DBR1: variants seen among roughly 807,000 people sequenced by gnomAD.
The protein encoded by DBR1 is debranching RNA lariats 1.
DBR1 carries 33 observed loss-of-function variants against 45.9 expected under a neutral mutation model. That is an observed-to-expected ratio of 0.72 (90% CI 0.55 to 0.96). DBR1 has a LOEUF of 0.96. Among genes scored for constraint, DBR1 ranks in the 40% least tolerant of loss-of-function variants. DBR1 has a pLI of 0.00. For synonymous variants in DBR1, 235 were observed against 235.9 expected (o/e 1.00, Z 0.04); for missense variants, 619 against 667.4 (o/e 0.93, Z 0.80).
At chr3:138,164,802 A>G (rs2042922953) in intron 5 of DBR1, among the ~76,000 whole-genome samples, 1 of 152,198 alleles carries the variant, frequency 6.6e-6, no homozygotes, top group Non-Finnish European at 1.5e-5. Context: ...ATGTGCTAAC[A>G]TGCCCAGCTA....
At chr3:138,166,276 GA>G (rs2042930129) in intron 5 of DBR1, among the ~76,000 whole-genome samples, 1 of 152,174 alleles carries the variant, frequency 6.6e-6, no homozygotes, top group African/African-American at 2.4e-5. Flanking sequence ...TACTTCCATA[GA>G]AGTTTCATTA....
Position 138,162,296 on chromosome 3 carries a change from C to A in DBR1, c.1228G>T (p.Asp410Tyr). Residue 410 changes from aspartate to tyrosine, a missense_variant, in exon 8 of 8, where the codon GAC becomes TAC. This residue lies in a region of DBR1 where 182 missense variants were observed against 196.1 expected (regional missense o/e 0.93). Coordinates refer to ENST00000260803, the MANE Select transcript of DBR1 (RefSeq NM_016216.4). ...DDVESNDSGE[D>Y]QSEYNTDTSA... is the part of the protein sequence containing the mutation. The stretch of plus-strand genomic sequence containing the variant: ...GTGTCTGTATTATATTCACTCTGGT[C>A]TTCTCCAGAGTCATTACTCTCCACA... 1 of 1,614,032 alleles carries A rather than the reference C, an allele frequency of 6.2e-7. No individual in the cohort carries two copies. The highest frequency in any genetic ancestry group is 1.1e-5 in the South Asian group (1 of 91,076).
chr3:138,165,522 G>T (rs1283961530), intron 5 of DBR1, among the ~76,000 whole-genome samples: 1 of 151,940 alleles, frequency 6.6e-6, no homozygotes, highest in Admixed American at 6.6e-5. Flanking sequence ...GAGATCAGGA[G>T]ATCGAGACCA....
chr3:138,161,111 A>G lies in DBR1; in HGVS notation c.*778T>C, dbSNP rs1231300393. The G allele has an allele frequency of 6.6e-6, 1 of 152,210 alleles. No homozygotes were observed. Among genetic ancestry groups the G allele is most frequent in the Non-Finnish European group, 1.5e-5 (1 of 68,040 alleles). The allele number at this position is 152,210 out of a possible 1,614,324, so 9.4% of individuals were successfully genotyped here. ...TAAAAGCTGATCAGGAAAAATATTT[A>G]TAATAAATGAAAAGAAAGCATACAT... On this transcript the variant is annotated 3_prime_UTR_variant, in exon 8 of 8. Coordinates refer to ENST00000260803, the MANE Select transcript of DBR1 (RefSeq NM_016216.4).
intron 5 of DBR1, among the ~76,000 whole-genome samples, chr3:138,166,012 T>C (rs1450839231): frequency 6.6e-6 from 1 of 152,258 alleles, no homozygotes; most frequent in Non-Finnish European, 1.5e-5. Flanking sequence ...TTCCAAACCG[T>C]GTTTGAGGAA....
intron 2 of DBR1, 148 bp downstream of exon 2, chr3:138,173,350 TTAAC>T (rs2042963646): frequency 1.3e-5 from 9 of 717,830 alleles, no homozygotes; most frequent in Non-Finnish European, 1.7e-5. Context: ...CATTTAATAA[TTAAC>T]TATCTTAATT....
At position 138,173,512 on chromosome 3, in the gene DBR1, A is replaced by C; in HGVS notation, c.312T>G (p.Ile104Met). 2 of 1,613,858 alleles carry C rather than the reference A, an allele frequency of 1.2e-6. No individual in the cohort carries two copies. Among genetic ancestry groups the C allele is most frequent in the South Asian group, 1.1e-5 (1 of 91,068 alleles). The change falls in exon 2 of 8, where the codon ATT becomes ATG. Residue 104 changes from isoleucine to methionine, a missense_variant. Ile to Met is a conservative substitution (Grantham distance 10). Transcript: ENST00000260803. Reference sequence around the variant, plus strand: ...AACACAATCACATACCTAAATAATAAATGTTTGGTGCCACCCAGCCACCAT... The same window carrying C: ...AACACAATCACATACCTAAATAATACATGTTTGGTGCCACCCAGCCACCAT... Reference protein sequence around the residue: ...LPYGGWVAPNIYYLGLAGVVK... With the variant: ...LPYGGWVAPNMYYLGLAGVVK...
At chr3:138,170,283 A>G in intron 3 of DBR1, 91 bp from the exon 4 acceptor site, 1 of 772,998 alleles carries the variant, frequency 1.3e-6, no homozygotes, top group South Asian at 1.7e-5. Flanking sequence ...AATATCATGT[A>G]CACCTTCAAT....
At chr3:138,171,760 T>C (rs1389344186) in intron 2 of DBR1, 47 bp from the exon 3 acceptor site, 2 of 1,332,966 alleles carry the variant, frequency 1.5e-6, no homozygotes, top group Non-Finnish European at 2.2e-6. Context: ...AAGGAATCTC[T>C]ACACCGACTG....
chr3:138,170,136 T>C lies in DBR1; in HGVS notation c.460A>G (p.Arg154Gly). The change falls in exon 4 of 8, where the codon AGA becomes GGA. Residue 154 changes from arginine (R) to glycine (G), a missense_variant. Physicochemically the swap from Arg to Gly is moderately radical, Grantham distance 125. Coordinates refer to ENST00000260803, the MANE Select transcript of DBR1 (RefSeq NM_016216.4). The stretch of plus-strand genomic sequence containing the variant: ...TTTAATTTATAGACTTCAATATTTC[T>C]CACATGATATATACTCCTGATTGTA... ...SSTIRSIYHV[R>G]NIEVYKLKQL... The C allele has an allele frequency of 6.3e-7, 1 of 1,598,798 alleles. No homozygotes were observed. Among genetic ancestry groups the C allele is most frequent in the Non-Finnish European group, 8.6e-7 (1 of 1,169,368 alleles).
In DBR1 at chr3:138,161,715, G is replaced by A. The variant is rs1304849943; in HGVS notation, c.*174C>T. 10 of 564,190 alleles carry A rather than the reference G, an allele frequency of 1.8e-5. No homozygotes were observed. Among genetic ancestry groups the A allele is most frequent in the Admixed American group, 3.1e-5 (1 of 32,284 alleles). 34.9% of individuals were successfully genotyped at this position (564,190 alleles called of 1,614,324 possible). On this transcript the variant is annotated 3_prime_UTR_variant, in exon 8 of 8. Transcript: ENST00000260803. ...GCAAAAATTAGCCGGGTGTGGTGGC[G>A]GGCACCTGTAGTCCCACCTACTTGG...
At chr3:138,167,330 A>G in intron 4 of DBR1, 25 bp from the exon 5 acceptor site, 2 of 1,527,102 alleles carry the variant, frequency 1.3e-6, no homozygotes, top group Non-Finnish European at 1.8e-6. Context: ...AAAGAGAAAG[A>G]AAGAAAACTC....
At chr3:138,173,305 A>C (rs2042963435) in intron 2 of DBR1, among the ~76,000 whole-genome samples, 197 bp downstream of exon 2, 1 of 152,198 alleles carries the variant, frequency 6.6e-6, no homozygotes, top group Non-Finnish European at 1.5e-5. Flanking sequence ...CTAGTGCTTA[A>C]AACACTAGAT....
At position 138,162,373 on chromosome 3, in the gene DBR1, T is replaced by C; in HGVS notation, c.1151A>G (p.Gln384Arg). The change falls in exon 8 of 8, where the codon CAG (glutamine) becomes CGG (arginine). Residue 384 changes from glutamine to arginine, a missense_variant. Gln to Arg is a conservative substitution (Grantham distance 43). Transcript: ENST00000260803. ...LGIIDINVRL[Q>R]KSKEEHHVCG... The stretch of plus-strand genomic sequence containing the variant: ...CACATGATGTTCTTCCTTGGACTTC[T>C]GAAGCCTAACATTGATGTCTATGAT... 6.2e-7 allele frequency: 1 copy of C among 1,614,198 alleles called. No homozygotes were observed. Among genetic ancestry groups the C allele is most frequent in the South Asian group, 1.1e-5 (1 of 91,086 alleles).
At position 138,167,310 on chromosome 3, in the gene DBR1, CAAAAGAGA is replaced by C. The variant is rs1399775119; in HGVS notation, c.490-13_490-6del. On this transcript the variant is annotated splice_polypyrimidine_tract_variant and splice_region_variant and intron_variant, in intron 4 of 7. Coordinates refer to ENST00000260803, the MANE Select transcript of DBR1 (RefSeq NM_016216.4). ...TATATCTATAGGCTGCTTCAGCTTTCAAAAGAGAAAAAGAGAAAGAAAGAAAACTCTTA... is the reference window on the plus strand; with the variant it reads ...TATATCTATAGGCTGCTTCAGCTTTCAAAAGAGAAAGAAAGAAAACTCTTA... The C allele has an allele frequency of 3.2e-6, 5 of 1,576,792 alleles. No individual in the cohort carries two copies. Among genetic ancestry groups the C allele is most frequent in the Non-Finnish European group, 4.3e-6 (5 of 1,164,832 alleles).
intron 4 of DBR1, among the ~76,000 whole-genome samples, chr3:138,168,179 C>T (rs558027495): frequency 7.2e-4 from 109 of 152,128 alleles, no homozygotes; most frequent in Non-Finnish European, 1.4e-3. Flanking sequence ...ATCCCCAGAA[C>T]CTTCAAGTAA....
chr3:138,162,265 G>A lies in DBR1; in HGVS notation c.1259C>T (p.Ala420Val). Residue 420 changes from alanine (A) to valine (V), a missense_variant, in exon 8 of 8, where the codon GCT becomes GTT. By Grantham distance (64) the Ala-to-Val change is moderately conservative. This residue lies in a region of DBR1 where 182 missense variants were observed against 196.1 expected (regional missense o/e 0.93). Transcript: ENST00000260803. ...DQSEYNTDTS[A>V]LSSINPDEIM... is the part of the protein sequence containing the mutation. ...TTCATCTGGATTAATAGAAGACAGA[G>A]CAGATGTGTCTGTATTATATTCACT... The A allele has an allele frequency of 6.2e-7, 1 of 1,613,714 alleles. No homozygotes were observed. Among genetic ancestry groups the A allele is most frequent in the South Asian group, 1.1e-5 (1 of 91,076 alleles).
chr3:138,174,023 G>GAAAAAAA (rs138787515), intron 1 of DBR1, among the ~76,000 whole-genome samples: 1 of 123,914 alleles, frequency 8.1e-6, no homozygotes. Flanking sequence ...TCTGTCTCAA[G>GAAAAAAA]AAAAAAAAAA....
intron 1 of DBR1, 114 bp downstream of exon 1, chr3:138,174,485 A>T: frequency 9.1e-7 from 1 of 1,097,644 alleles, no homozygotes; most frequent in Non-Finnish European, 1.3e-6. Flanking sequence ...GTTAGGCACC[A>T]ATTAGAGATA....
Sources: gnomAD v4.1 joint callset for allele counts (sites outside exome capture counted in the v4.1 genomes callset) on GRCh38, gnomAD v4.1.1 for gene constraint, gnomAD v4.1.1 regional missense constraint, MANE v1.5 for transcripts, NCBI Gene and HGNC (gene_info 2026-07-23, HGNC 2026-07-21) for gene names.